OR10J1: variants seen among roughly 807,000 people sequenced by gnomAD.
The protein encoded by OR10J1 is olfactory receptor family 10 subfamily J member 1.
For synonymous variants in OR10J1, 202 were observed against 143.8 expected (o/e 1.40, Z -2.89); for missense variants, 474 against 376.6 (o/e 1.26, Z -2.14).
chr1:159,412,931 C>T, the OR10J1 span, among the ~76,000 whole-genome samples: 2 of 151,976 alleles, frequency 1.3e-5, no homozygotes, highest in South Asian at 4.2e-4. Flanking sequence ...TTTTCACAAC[C>T]TACTCATCTG....
At chr1:159,433,809 C>G (rs1304885102), upstream of OR10J1, among the ~76,000 whole-genome samples, 1 of 152,140 alleles carries the variant, frequency 6.6e-6, no homozygotes, top group Non-Finnish European at 1.5e-5. Flanking sequence ...ATTCAGACTT[C>G]ACTGCGAGTG....
At chr1:159,426,106 TA>T in the OR10J1 span, among the ~76,000 whole-genome samples, 3 of 151,826 alleles carry the variant, frequency 2.0e-5, no homozygotes, top group Admixed American at 6.6e-5. Flanking sequence ...AAACAAATTT[TA>T]AAAAACAATT....
the OR10J1 span, among the ~76,000 whole-genome samples, chr1:159,417,110 GA>G: frequency 1.3e-5 from 2 of 151,642 alleles, no homozygotes. Flanking sequence ...TACTAATTTT[GA>G]ATTTGTTTTG....
At chr1:159,438,691 C>G (rs1285380363), upstream of OR10J1, among the ~76,000 whole-genome samples, 1 of 152,196 alleles carries the variant, frequency 6.6e-6, no homozygotes, top group South Asian at 2.1e-4. Context: ...TCCGTGCGTA[C>G]TAACCTTCAT....
upstream of OR10J1, among the ~76,000 whole-genome samples, chr1:159,439,160 A>T (rs1655827815): frequency 6.6e-6 from 1 of 152,210 alleles, no homozygotes; most frequent in Non-Finnish European, 1.5e-5. Context: ...CTTGAAGACA[A>T]GATGAACCTT....
At chr1:159,408,472 G>C in the OR10J1 span, among the ~76,000 whole-genome samples, 48 of 149,174 alleles carry the variant, frequency 3.2e-4, no homozygotes, top group Non-Finnish European at 5.5e-4. Flanking sequence ...TTGGGGGATG[G>C]GGGGAGGGGG....
the OR10J1 span, among the ~76,000 whole-genome samples, chr1:159,417,928 A>C: frequency 6.6e-6 from 1 of 152,280 alleles, no homozygotes; most frequent in East Asian, 1.9e-4. Context: ...ACTGGAGTAA[A>C]GGTGATTCTT....
At chr1:159,424,511 G>A in the OR10J1 span, among the ~76,000 whole-genome samples, 5 of 150,434 alleles carry the variant, frequency 3.3e-5, no homozygotes, top group Non-Finnish European at 5.9e-5. Flanking sequence ...GTATGTGTGT[G>A]TATATATACA....
chr1:159,438,231 T>C (rs1387963095), upstream of OR10J1, among the ~76,000 whole-genome samples: 1 of 152,236 alleles, frequency 6.6e-6, no homozygotes, highest in African/African-American at 2.4e-5. Flanking sequence ...CAAATCATAA[T>C]AGCCATTCTT....
Position 159,440,096 on chromosome 1 carries a change from T to C in OR10J1, c.305T>C (p.Phe102Ser), listed in dbSNP as rs754170035. 6.2e-7 allele frequency: 1 copy of C among 1,614,124 alleles called. No individual in the cohort carries two copies. The highest frequency in any genetic ancestry group is 1.7e-5 in the Admixed American group (1 of 59,990). Reference sequence around the variant, plus strand: ...TTGGCAGGGTGTGCCACACAGATGTTCTTTTTTGTAACCTTTGGCATCACT... The same window carrying C: ...TTGGCAGGGTGTGCCACACAGATGTCCTTTTTTGTAACCTTTGGCATCACT... ...ISLAGCATQMFFFVTFGITNC... is the reference protein window; with the variant it reads ...ISLAGCATQMSFFVTFGITNC... The change falls in exon 1 of 1, where the codon TTC becomes TCC. Residue 102 changes from phenylalanine to serine, a missense_variant. Transcript: ENST00000423932.
chr1:159,415,424 C>T, the OR10J1 span, among the ~76,000 whole-genome samples: 1 of 151,874 alleles, frequency 6.6e-6, no homozygotes, highest in Admixed American at 6.6e-5. Context: ...GTTTCACTGG[C>T]CTGTGTGTCT....
At position 159,440,116 on chromosome 1, in the gene OR10J1, A is replaced by C. The variant is rs1655884745; in HGVS notation, c.325A>C (p.Ile109Leu). ...TQMFFFVTFG[I>L]TNCFLLTAMG... ...GATGTTCTTTTTTGTAACCTTTGGC[A>C]TCACTAACTGCTTCCTGCTCACAGC... The change falls in exon 1 of 1, where the codon ATC (isoleucine) becomes CTC (leucine). Residue 109 changes from isoleucine to leucine, a missense_variant. Transcript: ENST00000423932. 1.9e-6 allele frequency: 3 copies of C among 1,614,114 alleles called. No homozygotes were observed. Among genetic ancestry groups the C allele is most frequent in the Admixed American group, 3.3e-5 (2 of 60,012 alleles).
At chr1:159,404,077 C>G in the OR10J1 span, among the ~76,000 whole-genome samples, 1 of 151,976 alleles carries the variant, frequency 6.6e-6, no homozygotes, top group Non-Finnish European at 1.5e-5. Flanking sequence ...CAATTGAACT[C>G]ATGGGCATAG....
the OR10J1 span, among the ~76,000 whole-genome samples, chr1:159,398,218 A>G: frequency 6.6e-6 from 1 of 152,224 alleles, no homozygotes; most frequent in African/African-American, 2.4e-5. Context: ...TAAAGCAGAA[A>G]CAGCTTAAAT....
In OR10J1 at chr1:159,440,355, C is replaced by T; in HGVS notation, c.564C>T (p.Cys188=). The T allele has an allele frequency of 6.2e-7, 1 of 1,614,200 alleles. No individual in the cohort carries two copies. The highest frequency in any genetic ancestry group is 8.5e-7 in the Non-Finnish European group (1 of 1,180,028). Reference sequence around the variant, plus strand: ...TCCGCCCTGTGATGAAGCTCTCCTGCATTGACACCACTGTCAATGAAATCC... The same window carrying T: ...TCCGCCCTGTGATGAAGCTCTCCTGTATTGACACCACTGTCAATGAAATCC... ...CDIRPVMKLS[C]IDTTVNEILT... is the part of the protein sequence containing the mutation. Residue 188 remains cysteine, a synonymous_variant, in exon 1 of 1, where the codon TGC becomes TGT. Transcript: ENST00000423932.
chr1:159,410,910 A>G, the OR10J1 span, among the ~76,000 whole-genome samples: 2 of 150,966 alleles, frequency 1.3e-5, no homozygotes, highest in African/African-American at 4.9e-5. Flanking sequence ...CTTTGTTGTC[A>G]TTGGTTTCAA....
the OR10J1 span, among the ~76,000 whole-genome samples, chr1:159,413,597 C>A: frequency 6.6e-6 from 1 of 151,056 alleles, no homozygotes; most frequent in Admixed American, 6.6e-5. Flanking sequence ...GAACAAAAAA[C>A]CAAACACCAA....
upstream of OR10J1, among the ~76,000 whole-genome samples, chr1:159,437,131 T>C (rs1463593025): frequency 1.3e-5 from 2 of 151,910 alleles, no homozygotes; most frequent in African/African-American, 2.4e-5. Context: ...TAGAGTTGGG[T>C]CTTGACAGAC....
At chr1:159,439,706 C>T (rs149064779), upstream of OR10J1, 152 of 1,544,504 alleles carry the variant, frequency 9.8e-5, no homozygotes, top group Non-Finnish European at 1.2e-4. Context: ...TATTGAACTT[C>T]AATCAATTTC....
Sources: allele counts gnomAD v4.1 joint callset (sites outside exome capture counted in the v4.1 genomes callset), GRCh38; gene constraint gnomAD v4.1.1; transcripts MANE v1.5; gene names NCBI Gene and HGNC (gene_info 2026-07-23, HGNC 2026-07-21).